The following AXDND1 variants were observed in gnomAD, a reference collection of about 807,000 sequenced individuals.
AXDND1 encodes axonemal dynein light chain domain-containing protein 1.
AXDND1 carries 110 observed loss-of-function variants against 137.5 expected under a neutral mutation model. That is an observed-to-expected ratio of 0.80 (90% confidence interval 0.69 to 0.94). The LOEUF (loss-of-function observed/expected upper bound fraction) is 0.94, where lower values mean the gene tolerates loss of function less well. Ranked by LOEUF, AXDND1 falls within the 40% of genes least tolerant of loss-of-function variation. AXDND1 has a pLI of 0.00. For missense variants in AXDND1, 1,191 were observed against 1,169.8 expected (o/e 1.02, Z -0.26); for synonymous variants, 414 against 399.7 (o/e 1.04, Z -0.43).
rs202135298 is a variant in AXDND1, at chr1:179,492,882, G to T, written c.2319G>T (p.Met773Ile). The T allele has an allele frequency of 1.9e-6, 3 of 1,608,082 alleles. No homozygotes were observed. In the East Asian group the frequency reaches 6.7e-5, roughly 36 times the overall value. Residue 773 changes from methionine (M) to isoleucine (I), a missense_variant, in exon 20 of 26, where the codon ATG becomes ATT. Physicochemically the swap from Met to Ile is conservative, Grantham distance 10. Coordinates refer to ENST00000367618, the MANE Select transcript of AXDND1 (RefSeq NM_144696.6). ...SSCCKGMVTA[M>I]ALSKSTNSHK... is the part of the protein sequence containing the mutation. ...GTTGCAAAGGGATGGTAACAGCAATGGCTCTGAGTAAATCCACTAACTCAC... is the reference window on the plus strand; with the variant it reads ...GTTGCAAAGGGATGGTAACAGCAATTGCTCTGAGTAAATCCACTAACTCAC...
Position 179,369,984 on chromosome 1 carries a change from C to T in AXDND1, c.280C>T (p.Pro94Ser). The T allele has an allele frequency of 6.2e-7, 1 of 1,613,632 alleles. No homozygotes were observed. Among genetic ancestry groups the T allele is most frequent in the South Asian group, 1.1e-5 (1 of 90,946 alleles). Residue 94 changes from proline to serine, a missense_variant, in exon 4 of 26, where the codon CCA (proline) becomes TCA (serine). By Grantham distance (74) the Pro-to-Ser change is moderately conservative. Coordinates refer to ENST00000367618, the MANE Select transcript of AXDND1 (RefSeq NM_144696.6). ...ATTTGCTTTTTCCCAGGGCACTCTT[C>T]CACGCCTTGTAGACCATGTCTGGCA... ...KKIKTPKGTLPRLVDHVWHHP... is the reference protein window; with the variant it reads ...KKIKTPKGTLSRLVDHVWHHP...
intron 12 of AXDND1, among the ~76,000 whole-genome samples, chr1:179,427,267 G>C (rs1160221957): frequency 6.6e-6 from 1 of 152,134 alleles, no homozygotes; most frequent in East Asian, 1.9e-4. Flanking sequence ...AAACTAATAA[G>C]ACATTACCTT....
Position 179,468,561 on chromosome 1 carries a change from TAATGA to T in AXDND1, c.1926_1930del (p.Met642IlefsTer31), listed in dbSNP as rs748066305. The T allele has an allele frequency of 1.2e-6, 2 of 1,612,956 alleles. No homozygotes were observed. The highest frequency in any genetic ancestry group is 1.7e-6 in the Non-Finnish European group (2 of 1,179,470). On this transcript the variant is annotated frameshift_variant, in exon 17 of 26. Transcript: ENST00000367618. LOFTEE classifies it high-confidence loss of function. ...AATGGCAGGAAATAGATGAAAAAAT[TAATGA>T]AATGAAATCACACTTGGATATATTG...
At chr1:179,532,207 A>G (rs867930379) in intron 23 of AXDND1, among the ~76,000 whole-genome samples, 1 of 152,302 alleles carries the variant, frequency 6.6e-6, no homozygotes, top group Non-Finnish European at 1.5e-5. Flanking sequence ...GTATCAAAAG[A>G]AAGGGATGTT....
At chr1:179,381,994 A>G (rs1196270460) in intron 6 of AXDND1, among the ~76,000 whole-genome samples, 2 of 128,130 alleles carry the variant, frequency 1.6e-5, no homozygotes, top group Admixed American at 9.7e-5. Flanking sequence ...GGGTTTCACC[A>G]TGTTGGCCAG....
intron 12 of AXDND1, among the ~76,000 whole-genome samples, chr1:179,427,014 A>T (rs1416002597): frequency 6.6e-6 from 1 of 151,998 alleles, no homozygotes; most frequent in Non-Finnish European, 1.5e-5. Flanking sequence ...AAATTACAAA[A>T]ATTAGGCAGC....
intron 25 of AXDND1, among the ~76,000 whole-genome samples, chr1:179,547,729 G>A (rs1273933719): frequency 6.6e-6 from 1 of 152,154 alleles, no homozygotes; most frequent in Non-Finnish European, 1.5e-5. Context: ...ACTTTTGAAA[G>A]TCTGAAGATT....
At chr1:179,551,564 G>A (rs1673288505) in intron 25 of AXDND1, 20 of 1,216,090 alleles carry the variant, frequency 1.6e-5, no homozygotes, top group African/African-American at 3.0e-5. Flanking sequence ...TGGCAAGCAC[G>A]GTTAAGCATA....
At chr1:179,529,147 T>C (rs1372842416) in intron 23 of AXDND1, among the ~76,000 whole-genome samples, 1 of 152,232 alleles carries the variant, frequency 6.6e-6, no homozygotes. Flanking sequence ...TTCAGTTAGC[T>C]CTAGATCAGT....
chr1:179,455,129 G>A (rs72719274), intron 16 of AXDND1: 9,095 of 135,152 alleles, frequency 0.067, 363 homozygotes, highest in African/African-American at 0.1. Flanking sequence ...AAAAATTAGC[G>A]CTGGTCATGG....
intron 25 of AXDND1, among the ~76,000 whole-genome samples, chr1:179,548,054 T>A (rs140371861): frequency 6.6e-6 from 1 of 152,124 alleles, no homozygotes; most frequent in African/African-American, 2.4e-5. Context: ...ATGGTGGGAA[T>A]CAAAAACAGG....
At chr1:179,478,671 T>G (rs1213119279) in intron 17 of AXDND1, among the ~76,000 whole-genome samples, 1 of 152,260 alleles carries the variant, frequency 6.6e-6, no homozygotes, top group Non-Finnish European at 1.5e-5. Flanking sequence ...GTCTTGGGCA[T>G]TAACATTTGG....
chr1:179,528,829 T>A (rs937099663), intron 23 of AXDND1, among the ~76,000 whole-genome samples: 2 of 151,968 alleles, frequency 1.3e-5, no homozygotes, highest in Admixed American at 1.3e-4. Flanking sequence ...CGACCTCAGG[T>A]GATCCACCCA....
intron 17 of AXDND1, among the ~76,000 whole-genome samples, chr1:179,473,357 G>A (rs377717738): frequency 6.6e-6 from 1 of 152,118 alleles, no homozygotes; most frequent in Admixed American, 6.5e-5. Context: ...AATTAGCTGG[G>A]TGTGGTGGTG....
chr1:179,389,067 G>T (rs759718709), intron 9 of AXDND1, among the ~76,000 whole-genome samples: 1 of 128,622 alleles, frequency 7.8e-6, no homozygotes, highest in Non-Finnish European at 1.6e-5. Context: ...CTCCACCTCC[G>T]CATTCAAGTG....
At chr1:179,460,222 G>A (rs1314117020) in intron 16 of AXDND1, among the ~76,000 whole-genome samples, 1 of 149,984 alleles carries the variant, frequency 6.7e-6, no homozygotes, top group Non-Finnish European at 1.5e-5. Flanking sequence ...GCCTCGGTAT[G>A]TGATGTTCCC....
intron 20 of AXDND1, chr1:179,507,044 G>C (rs1043440062): frequency 1.6e-5 from 5 of 314,832 alleles, no homozygotes; most frequent in African/African-American, 1.1e-4. Flanking sequence ...CTCTCCTGTG[G>C]CCTTCTGTTT....
In AXDND1 at chr1:179,420,639, CT is replaced by C. The variant is rs113126689; in HGVS notation, c.1231-8865del. Among the ~76,000 whole-genome samples, 326 of 142,290 alleles carry C rather than the reference CT, an allele frequency of 2.3e-3. 1 individual carries two copies. Among genetic ancestry groups the C allele is most frequent in the African/African-American group, 5.7e-3 (220 of 38,612 alleles). 93.3% of individuals were successfully genotyped at this position (142,290 alleles called of 152,430 possible). A position where few individuals can be genotyped will look rare whatever the true frequency, so the allele number is the denominator to read the frequency against. On this transcript the variant is annotated intron_variant, in intron 12 of 25. Transcript: ENST00000367618. ...TTGTTATTGGTTTATTGAGGTTTTC[CT>C]TTTTTTTTTTTTTCCATTTTCCCCC... is the stretch of plus-strand genomic sequence containing the variant.
intron 15 of AXDND1, among the ~76,000 whole-genome samples, chr1:179,433,606 T>A (rs1475711764): frequency 6.6e-6 from 1 of 152,230 alleles, no homozygotes; most frequent in Non-Finnish European, 1.5e-5. Flanking sequence ...GATTTCTGCC[T>A]TAATTTCATT....
Sources: allele counts gnomAD v4.1 joint callset (sites outside exome capture counted in the v4.1 genomes callset), GRCh38; gene constraint gnomAD v4.1.1; transcripts MANE v1.5; gene names NCBI Gene and HGNC (gene_info 2026-07-23, HGNC 2026-07-21).